Variants in NYAP2 observed in about 807,000 individuals in gnomAD.
NYAP2 encodes neuronal tyrosine-phosphorylated phosphoinositide-3-kinase adaptor 2.
Under a neutral mutation model 50.4 loss-of-function variants are expected in NYAP2, and 23 were observed. The observed-to-expected ratio is 0.46, with a 90% confidence interval of 0.33 to 0.65. The LOEUF (loss-of-function observed/expected upper bound fraction) is 0.65, where lower values mean the gene tolerates loss of function less well. Ranked by LOEUF, NYAP2 falls within the 30% of genes least tolerant of loss-of-function variation. NYAP2 has a pLI of 0.02. For missense variants in NYAP2, 885 were observed against 861.0 expected, an observed-to-expected ratio of 1.03 and a Z score of -0.35; for synonymous variants, 394 against 365.2, an observed-to-expected ratio of 1.08 and a Z score of -0.90.
rs183735403 is a variant in NYAP2, at chr2:225,493,659, T to G, written c.222-19712T>G. On this transcript the variant is annotated intron_variant, in intron 3 of 6. Coordinates refer to ENST00000636099, the Ensembl canonical transcript of NYAP2. ...GCTTCCTAATTGACTTCTCAGCCTC[T>G]GATCTCACTTCCCACTCCTGTTATT... Among the ~76,000 whole-genome samples, 17 of 152,344 alleles carry G rather than the reference T, an allele frequency of 1.1e-4. No individual in the cohort carries two copies. The East Asian group carries it at 3.1e-3, about 28-fold the overall frequency.
At chr2:225,535,272 C>G (rs746648518) in intron 4 of NYAP2, among the ~76,000 whole-genome samples, 1 of 152,192 alleles carries the variant, frequency 6.6e-6, no homozygotes, top group African/African-American at 2.4e-5. Context: ...CTGGGCCAGC[C>G]AGCCCAGAAG....
At chr2:225,688,993 C>T in the NYAP2 span, among the ~76,000 whole-genome samples, 1 of 152,156 alleles carries the variant, frequency 6.6e-6, no homozygotes. Flanking sequence ...TCTGCTGCCT[C>T]AGCCTCCCAA....
the NYAP2 span, among the ~76,000 whole-genome samples, chr2:225,681,940 A>T: frequency 6.6e-6 from 1 of 151,990 alleles, no homozygotes; most frequent in South Asian, 2.1e-4. Flanking sequence ...CATTTGGAAG[A>T]CCCCCGGCAG....
chr2:225,435,809 T>C (rs1689366173), intron 3 of NYAP2, among the ~76,000 whole-genome samples: 1 of 152,206 alleles, frequency 6.6e-6, no homozygotes, highest in Non-Finnish European at 1.5e-5. Context: ...ATATATTTAC[T>C]ACATGATCAT....
intron 4 of NYAP2, among the ~76,000 whole-genome samples, chr2:225,573,230 C>A (rs1692105712): frequency 6.8e-6 from 1 of 146,532 alleles, no homozygotes; most frequent in African/African-American, 2.5e-5. Flanking sequence ...TGGCTTAGAA[C>A]AACAACAACA....
chr2:225,612,788 C>T (rs183392762), intron 5 of NYAP2, among the ~76,000 whole-genome samples: 829 of 41,146 alleles, frequency 0.02, 8 homozygotes, highest in Middle Eastern at 0.067. Flanking sequence ...ACCAGAAGCC[C>T]CACCTTTGGA....
intron 3 of NYAP2, among the ~76,000 whole-genome samples, chr2:225,442,166 T>A (rs1689480205): frequency 6.6e-6 from 1 of 152,182 alleles, no homozygotes; most frequent in South Asian, 2.1e-4. Context: ...TTTCAAATAA[T>A]CCGTATTTGT....
chr2:225,629,823 T>C (rs1693277447), intron 6 of NYAP2, among the ~76,000 whole-genome samples: 1 of 152,098 alleles, frequency 6.6e-6, no homozygotes, highest in African/African-American at 2.4e-5. Flanking sequence ...TCATGAAGAC[T>C]CACCCACATG....
intron 3 of NYAP2, among the ~76,000 whole-genome samples, chr2:225,466,280 T>A (rs1689916884): frequency 6.6e-6 from 1 of 152,218 alleles, no homozygotes; most frequent in African/African-American, 2.4e-5. Context: ...TAAGGGACTT[T>A]GTTTGAATTC....
At chr2:225,586,809 C>G (rs1692396659) in intron 5 of NYAP2, among the ~76,000 whole-genome samples, 1 of 152,136 alleles carries the variant, frequency 6.6e-6, no homozygotes. Context: ...TTTATTCCCT[C>G]AAACAAGAAA....
At chr2:225,447,151 C>T (rs1214498703) in intron 3 of NYAP2, among the ~76,000 whole-genome samples, 2 of 152,144 alleles carry the variant, frequency 1.3e-5, no homozygotes, top group Admixed American at 6.5e-5. Flanking sequence ...TGCCAGGAGT[C>T]TAATAAGACT....
intron 5 of NYAP2, among the ~76,000 whole-genome samples, chr2:225,625,613 G>C (rs1693194980): frequency 6.6e-6 from 1 of 152,228 alleles, no homozygotes; most frequent in South Asian, 2.1e-4. Flanking sequence ...AATAGCTGTA[G>C]AAAACAGCAT....
At chr2:225,413,198 G>C (rs1220196027) in intron 3 of NYAP2, among the ~76,000 whole-genome samples, 1 of 152,136 alleles carries the variant, frequency 6.6e-6, no homozygotes, top group Non-Finnish European at 1.5e-5. Flanking sequence ...GATTTCTCAA[G>C]TGTCTTTCTT....
chr2:225,634,217 A>C (rs142140705), intron 6 of NYAP2, among the ~76,000 whole-genome samples: 31 of 152,342 alleles, frequency 2.0e-4, no homozygotes, highest in Non-Finnish European at 4.1e-4. Flanking sequence ...GCAAAATGGC[A>C]CGACCTCTAA....
the NYAP2 span, chr2:225,701,564 G>A: frequency 5.1e-4 from 78 of 151,860 alleles, no homozygotes; most frequent in African/African-American, 1.8e-3. Context: ...AGCATCCTCT[G>A]AGGTATAAGA....
the NYAP2 span, among the ~76,000 whole-genome samples, chr2:225,680,829 G>C: frequency 6.6e-6 from 1 of 152,050 alleles, no homozygotes; most frequent in Non-Finnish European, 1.5e-5. Flanking sequence ...TACGTTGCAG[G>C]GCAGTTCCAT....
At chr2:225,425,327 T>G (rs1234107075) in intron 3 of NYAP2, among the ~76,000 whole-genome samples, 1 of 152,226 alleles carries the variant, frequency 6.6e-6, no homozygotes, top group Admixed American at 6.5e-5. Context: ...ACTGTGTGTG[T>G]GTTTGATCTA....
At chr2:225,463,354 T>C (rs1239001891) in intron 3 of NYAP2, among the ~76,000 whole-genome samples, 1 of 152,258 alleles carries the variant, frequency 6.6e-6, no homozygotes, top group East Asian at 1.9e-4. Flanking sequence ...TTCTGTCAAA[T>C]TGAATAGGTG....
Position 225,636,318 on chromosome 2 carries a change from G to A in NYAP2, c.1828+9192G>A, listed in dbSNP as rs1693413366. Among the ~76,000 whole-genome samples the A allele has an allele frequency of 2.0e-5, 3 of 152,016 alleles. No individual in the cohort carries two copies. In the South Asian group the frequency reaches 6.2e-4, roughly 31 times the overall value. On this transcript the variant is annotated intron_variant, in intron 6 of 6. Coordinates refer to ENST00000636099, the Ensembl canonical transcript of NYAP2. The stretch of plus-strand genomic sequence containing the variant: ...GATAAAAACTTTGCTTTTAGAACCT[G>A]GTTAATATTCAACTTTTTAATATAT...
Sources: allele counts gnomAD v4.1 joint callset (sites outside exome capture counted in the v4.1 genomes callset), GRCh38; gene constraint gnomAD v4.1.1; transcripts MANE v1.5; gene names NCBI Gene and HGNC (gene_info 2026-07-23, HGNC 2026-07-21).